LRP2BP: variants seen among roughly 807,000 people sequenced by gnomAD.
LRP2BP encodes the protein LRP2 binding protein.
Under a neutral mutation model 45.2 loss-of-function variants are expected in LRP2BP, and 38 were observed. That is an observed-to-expected ratio of 0.84 (90% CI 0.65 to 1.10). The LOEUF is 1.10. LRP2BP is among the 50% of genes least tolerant of loss of function. LRP2BP has a pLI of 0.00. For missense variants in LRP2BP, 385 were observed against 418.9 expected (o/e 0.92, Z 0.71); for synonymous variants, 153 against 153.9 (o/e 0.99, Z 0.04).
chr4:185,396,390 G>A (rs2095502922), upstream of LRP2BP: 1 of 152,880 alleles, frequency 6.5e-6, no homozygotes, highest in Non-Finnish European at 1.5e-5. Flanking sequence ...CGCGCCGGCA[G>A]AGCCAAAACC....
intron 7 of LRP2BP, chr4:185,371,016 A>G (rs1370636198): frequency 1.9e-6 from 1 of 516,908 alleles, no homozygotes; most frequent in East Asian, 3.0e-5. Context: ...GTGACTTCAC[A>G]TGTCTCTGTA....
chr4:185,384,488 AATTAC>A (rs2095464647), intron 1 of LRP2BP, among the ~76,000 whole-genome samples: 1 of 152,012 alleles, frequency 6.6e-6, no homozygotes, highest in African/African-American at 2.4e-5. Context: ...TTTTAAAATT[AATTAC>A]ATTTGCTGAT....
intron 4 of LRP2BP, among the ~76,000 whole-genome samples, chr4:185,375,208 TG>T (rs1236074383): frequency 6.6e-6 from 1 of 150,960 alleles, no homozygotes; most frequent in Non-Finnish European, 1.5e-5. Flanking sequence ...CCCAGGTAGC[TG>T]GGAATACAAG....
At chr4:185,389,112 T>C (rs1472109780) in intron 1 of LRP2BP, among the ~76,000 whole-genome samples, 1 of 152,126 alleles carries the variant, frequency 6.6e-6, no homozygotes, top group Non-Finnish European at 1.5e-5. Context: ...TCTCCTGACC[T>C]TGTGATCCAC....
rs572671045 is a variant in LRP2BP at position 185,364,280 on chromosome 4, G to A, written c.*2900C>T. 71 of 152,234 alleles carry A rather than the reference G, an allele frequency of 4.7e-4. No homozygotes were observed. Among genetic ancestry groups the A allele is most frequent in the African/African-American group, 1.6e-3 (65 of 41,510 alleles). The allele number at this position is 152,234 out of a possible 1,614,324, so 9.4% of individuals were successfully genotyped here. On this transcript the variant is annotated 3_prime_UTR_variant, in exon 9 of 9. Coordinates refer to ENST00000505916, the MANE Select transcript of LRP2BP (RefSeq NM_001377440.1). ...AGGAGGGCAGCTACTTCAGGGGCTC[G>A]GTTGTATTATCAAGCCGTTTAGACC...
chr4:185,374,856 T>C (rs1327809733), intron 4 of LRP2BP, among the ~76,000 whole-genome samples: 1 of 152,158 alleles, frequency 6.6e-6, no homozygotes, highest in Non-Finnish European at 1.5e-5. Context: ...ACATTTATAA[T>C]TCTTACGATA....
At chr4:185,387,911 G>T (rs2095476388) in intron 1 of LRP2BP, among the ~76,000 whole-genome samples, 1 of 152,196 alleles carries the variant, frequency 6.6e-6, no homozygotes, top group Non-Finnish European at 1.5e-5. Flanking sequence ...AAGGCCTCTG[G>T]ATATGATTCC....
chr4:185,391,902 C>T (rs572524926), intron 1 of LRP2BP, among the ~76,000 whole-genome samples: 3 of 152,310 alleles, frequency 2.0e-5, no homozygotes, highest in South Asian at 4.1e-4. Flanking sequence ...ATATGCATAA[C>T]CCATGTATAC....
intron 1 of LRP2BP, 48 bp from the exon 2 acceptor site, chr4:185,378,255 G>C: frequency 5.6e-6 from 9 of 1,597,792 alleles, no homozygotes; most frequent in Non-Finnish European, 7.7e-6. Context: ...TTCCTCCAGC[G>C]AAGTGCAAAG....
At chr4:185,391,866 A>C (rs774341496) in intron 1 of LRP2BP, among the ~76,000 whole-genome samples, 9 of 152,152 alleles carry the variant, frequency 5.9e-5, no homozygotes, top group Non-Finnish European at 1.0e-4. Context: ...AGGCCCTCTC[A>C]CAGCAGGCAG....
chr4:185,378,783 A>G (rs1445368478), intron 1 of LRP2BP: 10 of 985,424 alleles, frequency 1.0e-5, no homozygotes, highest in Non-Finnish European at 1.1e-5. Flanking sequence ...ATTTGGGGTG[A>G]AGGAGTCCAG....
At position 185,372,896 on chromosome 4, in the gene LRP2BP, T is replaced by A; in HGVS notation, c.763A>T (p.Lys255Ter). The change falls in exon 7 of 9, where the codon AAG (lysine) becomes TAG (stop). Residue 255 changes from lysine to a stop codon, truncating the protein, a stop_gained. Transcript: ENST00000505916. LOFTEE classifies it high-confidence loss of function. ...AQGNLVEYYYKMKFFTKCVAF... is the reference protein window; with the variant it reads ...AQGNLVEYYY ...ACACACTTTGTAAAAAATTTCATCT[T>A]ATAGTAATACTCCACGAGATTCCCT... 1 of 1,611,074 alleles carries A rather than the reference T, an allele frequency of 6.2e-7. No individual in the cohort carries two copies. The highest frequency in any genetic ancestry group is 1.1e-5 in the South Asian group (1 of 91,016).
At chr4:185,373,137 G>A (rs1429772019) in intron 6 of LRP2BP, 58 bp from the exon 7 acceptor site, 11 of 1,453,226 alleles carry the variant, frequency 7.6e-6, no homozygotes, top group Non-Finnish European at 1.1e-5. Flanking sequence ...AATTATAAGG[G>A]AATACTAGAC....
chr4:185,374,489 C>G (rs758673486), intron 4 of LRP2BP, 28 bp from the exon 5 acceptor site: 1 of 1,602,724 alleles, frequency 6.2e-7, no homozygotes, highest in Non-Finnish European at 8.5e-7. Flanking sequence ...GCAAAAAAAC[C>G]CTAGTTTTTA....
chr4:185,378,563 C>A, intron 1 of LRP2BP: 1 of 1,016,946 alleles, frequency 9.8e-7, no homozygotes, highest in South Asian at 4.3e-5. Flanking sequence ...CAGAGCTCTT[C>A]TGCACTGGTA....
intron 7 of LRP2BP, among the ~76,000 whole-genome samples, chr4:185,372,030 A>G (rs77535313): frequency 0.019 from 2,948 of 152,276 alleles, 51 homozygotes; most frequent in South Asian, 0.062. Context: ...AGGAAAGTAC[A>G]TGGAGCCTTA....
At chr4:185,368,665 A>G (rs553364737) in intron 8 of LRP2BP, among the ~76,000 whole-genome samples, 1 of 152,306 alleles carries the variant, frequency 6.6e-6, no homozygotes, top group South Asian at 2.1e-4. Context: ...ATAATGTACA[A>G]TGGCCTAAAC....
At chr4:185,385,908 G>GGC (rs1554020219) in intron 1 of LRP2BP, among the ~76,000 whole-genome samples, 3 of 72,442 alleles carry the variant, frequency 4.1e-5, no homozygotes, top group Non-Finnish European at 7.8e-5. Context: ...CTCGGGGAGG[G>GGC]GGGGGGGGAG....
rs775935216 is a variant in LRP2BP at position 185,375,516 on chromosome 4, G to GTATATATA, written c.330+89_330+96dup. ...TATATATATATATATATATATATAT[G>GTATATATA]TATATATATATGTATTAAAATATAA... On this transcript the variant is annotated intron_variant, in intron 4 of 8. Coordinates refer to ENST00000505916, the MANE Select transcript of LRP2BP (RefSeq NM_001377440.1). The GTATATATA allele has an allele frequency of 2.7e-3, 128 of 46,680 alleles. 4 individuals are homozygous for GTATATATA. The highest frequency in any genetic ancestry group is 6.7e-3 in the African/African-American group (76 of 11,328). The allele number at this position is 46,680 out of a possible 1,614,324, so 2.9% of individuals were successfully genotyped here.
Sources: gnomAD v4.1 joint callset for allele counts (sites outside exome capture counted in the v4.1 genomes callset) on GRCh38, gnomAD v4.1.1 for gene constraint, MANE v1.5 for transcripts, NCBI Gene and HGNC (gene_info 2026-07-23, HGNC 2026-07-21) for gene names.